The following CHST8 variants were observed in gnomAD, a reference collection of about 807,000 sequenced individuals.
CHST8 encodes the protein GALNAC-4-ST1.
Under a neutral mutation model 15.0 loss-of-function variants are expected in CHST8, and 10 were observed. That is an observed-to-expected ratio of 0.67 (90% CI 0.41 to 1.13). The LOEUF (loss-of-function observed/expected upper bound fraction) is 1.13. Among genes scored for constraint, CHST8 ranks in the 50% most tolerant of loss-of-function variants. CHST8 has a pLI of 0.00. For missense variants in CHST8, 634 were observed against 608.2 expected, an observed-to-expected ratio of 1.04 and a Z score of -0.45; for synonymous variants, 259 against 256.6, an observed-to-expected ratio of 1.01 and a Z score of -0.09.
chr19:33,686,412 T>C (rs1162276565), intron 2 of CHST8, among the ~76,000 whole-genome samples: 1 of 152,060 alleles, frequency 6.6e-6, no homozygotes, highest in East Asian at 1.9e-4. Flanking sequence ...ACCCATTTAG[T>C]CCTTGACAGT....
intron 3 of CHST8, among the ~76,000 whole-genome samples, chr19:33,711,072 A>G (rs779434968): frequency 3.9e-5 from 6 of 152,040 alleles, no homozygotes; most frequent in Non-Finnish European, 7.4e-5. Flanking sequence ...GCATCTCACT[A>G]TATTATCTAG....
chr19:33,641,539 C>A (rs111320769), intron 1 of CHST8, among the ~76,000 whole-genome samples: 7,331 of 152,238 alleles, frequency 0.048, 240 homozygotes, highest in Non-Finnish European at 0.067. Context: ...GGCAAGGTGG[C>A]ACACCGGCTG....
intron 3 of CHST8, among the ~76,000 whole-genome samples, chr19:33,721,169 C>A (rs1031137867): frequency 5.3e-5 from 8 of 152,224 alleles, no homozygotes; most frequent in African/African-American, 1.9e-4. Context: ...TCTCTGGGGG[C>A]CCGCAGCCAT....
intron 3 of CHST8, among the ~76,000 whole-genome samples, chr19:33,743,180 G>A (rs1049995410): frequency 1.3e-5 from 2 of 152,138 alleles, no homozygotes; most frequent in Non-Finnish European, 1.5e-5. Context: ...TTAGAAAGGG[G>A]TGGGGGTATC....
intron 3 of CHST8, among the ~76,000 whole-genome samples, chr19:33,758,125 T>G (rs562818135): frequency 7.1e-4 from 48 of 67,428 alleles, no homozygotes; most frequent in South Asian, 2.1e-3. Context: ...TGTTCTGTTC[T>G]GGTGGGGTGG....
At chr19:33,653,495 C>A (rs1972473905) in intron 1 of CHST8, among the ~76,000 whole-genome samples, 2 of 152,186 alleles carry the variant, frequency 1.3e-5, no homozygotes, top group South Asian at 4.1e-4. Flanking sequence ...ACTCTTAGGA[C>A]TCATGGCTTT....
At chr19:33,651,133 G>A (rs926203471) in intron 1 of CHST8, among the ~76,000 whole-genome samples, 65 of 152,070 alleles carry the variant, frequency 4.3e-4, no homozygotes, top group Admixed American at 4.3e-3. Flanking sequence ...ATTTTTATTT[G>A]TATTGCTTAT....
intron 1 of CHST8, among the ~76,000 whole-genome samples, chr19:33,637,624 G>T (rs1308014055): frequency 6.7e-6 from 1 of 149,682 alleles, no homozygotes; most frequent in Non-Finnish European, 1.5e-5. Flanking sequence ...GGATGGTCTC[G>T]ATCTCATGAC....
chr19:33,639,126 C>T (rs941946653), intron 1 of CHST8, among the ~76,000 whole-genome samples: 1 of 146,532 alleles, frequency 6.8e-6, no homozygotes, highest in Non-Finnish European at 1.5e-5. Flanking sequence ...GTACAATATG[C>T]GATTACGTTC....
intron 1 of CHST8, among the ~76,000 whole-genome samples, chr19:33,652,279 TTC>T (rs1337009844): frequency 6.6e-6 from 1 of 152,096 alleles, no homozygotes; most frequent in African/African-American, 2.4e-5. Flanking sequence ...CTTTCAACAT[TTC>T]TGTGTCATCA....
intron 1 of CHST8, 106 bp from the exon 2 acceptor site, chr19:33,667,661 G>C (rs1972680525): frequency 6.6e-6 from 1 of 152,154 alleles, no homozygotes. Flanking sequence ...CAGCACAGAC[G>C]ACACTCCCCC....
At chr19:33,705,275 G>A (rs926671414) in intron 3 of CHST8, among the ~76,000 whole-genome samples, 4 of 152,276 alleles carry the variant, frequency 2.6e-5, no homozygotes, top group Admixed American at 6.5e-5. Context: ...CCTGGGCTCC[G>A]CTGACCAACA....
chr19:33,675,484 G>A (rs73591044), intron 2 of CHST8, among the ~76,000 whole-genome samples: 3,866 of 152,310 alleles, frequency 0.025, 157 homozygotes, highest in African/African-American at 0.089. Flanking sequence ...TGATGAGCTG[G>A]GTTTTCTGTT....
chr19:33,771,173 G>A lies in CHST8; in HGVS notation c.131-240G>A, dbSNP rs1974974588. On this transcript the variant is annotated intron_variant, in intron 3 of 4. Coordinates refer to ENST00000650847, the MANE Select transcript of CHST8 (RefSeq NM_001127895.2). ...GATCACATCAGGAGGCAGGCGTGAT[G>A]CAGAGAAGAGAGCCTCAGCTGCGAG... 3.9e-5 allele frequency among the ~76,000 whole-genome samples: 6 copies of A among 152,306 alleles called. No individual in the cohort carries two copies. The South Asian group carries it at 1.2e-3, about 32-fold the overall frequency.
intron 3 of CHST8, among the ~76,000 whole-genome samples, chr19:33,705,046 A>G (rs1470538623): frequency 6.6e-6 from 1 of 152,000 alleles, no homozygotes; most frequent in East Asian, 1.9e-4. Flanking sequence ...TGTTGGTTGG[A>G]TGGGCTGGGA....
intron 1 of CHST8, among the ~76,000 whole-genome samples, chr19:33,647,069 A>G (rs143944936): frequency 6.6e-6 from 1 of 152,352 alleles, no homozygotes; most frequent in African/African-American, 2.4e-5. Context: ...CAGTCGTATT[A>G]CAAAGGTGCA....
intron 3 of CHST8, among the ~76,000 whole-genome samples, chr19:33,692,864 A>T (rs1323310583): frequency 1.3e-5 from 2 of 152,034 alleles, no homozygotes; most frequent in Admixed American, 6.6e-5. Context: ...CATGAACACC[A>T]CATACCGGGC....
intron 2 of CHST8, among the ~76,000 whole-genome samples, chr19:33,680,966 C>G (rs949595558): frequency 2.0e-5 from 3 of 152,106 alleles, no homozygotes; most frequent in Admixed American, 6.5e-5. Context: ...CCATATATCC[C>G]TTACACACTT....
At chr19:33,640,697 C>T (rs879456830) in intron 1 of CHST8, among the ~76,000 whole-genome samples, 11 of 152,108 alleles carry the variant, frequency 7.2e-5, no homozygotes, top group Admixed American at 6.5e-4. Flanking sequence ...CAATAAATGC[C>T]GGGGATGTGA....
Sources: allele counts gnomAD v4.1 joint callset (sites outside exome capture counted in the v4.1 genomes callset), GRCh38; gene constraint gnomAD v4.1.1; transcripts MANE v1.5; gene names NCBI Gene and HGNC (gene_info 2026-07-23, HGNC 2026-07-21).